Variants in KIRREL3 observed in about 807,000 individuals in gnomAD.
KIRREL3 encodes the protein kin of IRRE-like protein 3.
A neutral mutation model predicts 89.7 loss-of-function variants in KIRREL3; 36 were observed. That is an observed-to-expected ratio of 0.40 (90% CI 0.31 to 0.53). The LOEUF (loss-of-function observed/expected upper bound fraction) is 0.53. Ranked by LOEUF, KIRREL3 falls within the 20% of genes least tolerant of loss-of-function variation. KIRREL3 has a pLI of 0.49. For synonymous variants in KIRREL3, 445 were observed against 441.4 expected (o/e 1.01, Z -0.10); for missense variants, 864 against 1,056.6 (o/e 0.82, Z 2.53).
intron 2 of KIRREL3, among the ~76,000 whole-genome samples, chr11:126,552,514 C>T (rs962520070): frequency 6.7e-6 from 1 of 148,602 alleles, no homozygotes; most frequent in East Asian, 2.0e-4. Flanking sequence ...CAGCCCTGGT[C>T]CCGGGATCAC....
intron 1 of KIRREL3, among the ~76,000 whole-genome samples, chr11:126,878,520 C>G (rs928389779): frequency 6.6e-6 from 1 of 151,868 alleles, no homozygotes; most frequent in African/African-American, 2.4e-5. Flanking sequence ...TGCATTTTAA[C>G]CCATATATAA....
At position 126,736,968 on chromosome 11, in the gene KIRREL3, A is replaced by C. The variant is rs1310064410; in HGVS notation, c.56-174056T>G. Among the ~76,000 whole-genome samples the C allele has an allele frequency of 2.0e-5, 3 of 152,318 alleles. No individual in the cohort carries two copies. In the South Asian group the frequency reaches 6.2e-4, roughly 32 times the overall value. The stretch of plus-strand genomic sequence containing the variant: ...GAGCCAGCAATTGGTTACATCAGAA[A>C]ACTTTATTCTCAGGGGCAGTGCCCT... On this transcript the variant is annotated intron_variant, in intron 1 of 16. Coordinates refer to ENST00000525144, the MANE Select transcript of KIRREL3 (RefSeq NM_032531.4). The surrounding 1 kb of genome is among the most constrained non-coding windows in gnomAD (Gnocchi z 5.0).
At chr11:126,456,195 C>T (rs1055092721) in intron 7 of KIRREL3, among the ~76,000 whole-genome samples, 154 bp downstream of exon 7, 1 of 151,526 alleles carries the variant, frequency 6.6e-6, no homozygotes, top group South Asian at 2.1e-4. Context: ...AGCAGGCAGG[C>T]GGGTTTAAGA....
chr11:126,925,939 G>A (rs1023505484), intron 1 of KIRREL3, among the ~76,000 whole-genome samples: 2 of 152,216 alleles, frequency 1.3e-5, no homozygotes, highest in Non-Finnish European at 2.9e-5. Context: ...CCCCGGATCT[G>A]AGACATCTGT....
At chr11:126,699,124 G>C (rs1219749903) in intron 1 of KIRREL3, among the ~76,000 whole-genome samples, 2 of 152,220 alleles carry the variant, frequency 1.3e-5, no homozygotes, top group Admixed American at 6.5e-5. Context: ...GCCCCCAAGA[G>C]GATCTTGAAG....
chr11:126,477,580 G>T lies in KIRREL3; in HGVS notation c.434-4114C>A, dbSNP rs984444959. The stretch of plus-strand genomic sequence containing the variant: ...GAGGTAAAGCTTTCATCTATTTCAC[G>T]CACTAAGGTTCTCTCTAACCTCTAT... On this transcript the variant is annotated intron_variant, in intron 4 of 16. Transcript: ENST00000525144. The surrounding 1 kb of genome is among the most constrained non-coding windows in gnomAD (Gnocchi z 4.8). Among the ~76,000 whole-genome samples the T allele has an allele frequency of 1.3e-5, 2 of 152,154 alleles. No individual in the cohort carries two copies. Among genetic ancestry groups the T allele is most frequent in the African/African-American group, 4.8e-5 (2 of 41,442 alleles).
At chr11:126,592,548 T>C (rs1942188810) in intron 1 of KIRREL3, among the ~76,000 whole-genome samples, 1 of 152,188 alleles carries the variant, frequency 6.6e-6, no homozygotes, top group South Asian at 2.1e-4. Context: ...GGCAGAGCTT[T>C]CTCCAGGAGC....
chr11:126,451,577 T>C (rs905630655), intron 7 of KIRREL3, among the ~76,000 whole-genome samples: 1 of 147,404 alleles, frequency 6.8e-6, no homozygotes, highest in African/African-American at 2.5e-5. Flanking sequence ...TGTGCATGTG[T>C]GTGTGCGTGT....
At chr11:126,881,256 C>T (rs963273244) in intron 1 of KIRREL3, among the ~76,000 whole-genome samples, 12 of 152,344 alleles carry the variant, frequency 7.9e-5, no homozygotes, top group African/African-American at 2.9e-4. Context: ...CTCCCCCTCC[C>T]CCTCTCTGTT....
chr11:126,438,103 C>T (rs1055079175), intron 11 of KIRREL3, among the ~76,000 whole-genome samples: 1 of 152,246 alleles, frequency 6.6e-6, no homozygotes, highest in South Asian at 2.1e-4. Context: ...AAAGTGGGTG[C>T]CCTGTTGGCC....
At chr11:126,799,400 A>ACATGTG (rs1950946329) in intron 1 of KIRREL3, among the ~76,000 whole-genome samples, 2 of 87,658 alleles carry the variant, frequency 2.3e-5, no homozygotes, top group African/African-American at 4.6e-5. Context: ...CTGTGTGTGC[A>ACATGTG]TCTATCTGTG....
intron 5 of KIRREL3, among the ~76,000 whole-genome samples, chr11:126,469,941 G>A (rs1056719530): frequency 5.9e-5 from 9 of 152,264 alleles, no homozygotes; most frequent in African/African-American, 1.9e-4. Context: ...TGCCCAGGGA[G>A]TGAGTTGCCT....
rs530096455 is a variant in KIRREL3 at position 126,624,669 on chromosome 11, G to T, written c.56-61757C>A. On this transcript the variant is annotated intron_variant, in intron 1 of 16. Coordinates refer to ENST00000525144, the MANE Select transcript of KIRREL3 (RefSeq NM_032531.4). The surrounding 1 kb of genome is among the most constrained non-coding windows in gnomAD (Gnocchi z 6.0). ...AAGTATCCTATTGATTCACTGAAGT[G>T]CTGCCATGGATGTTAATGGAGACAA... Among the ~76,000 whole-genome samples the T allele has an allele frequency of 1.7e-4, 26 of 152,334 alleles. No individual in the cohort carries two copies. Among genetic ancestry groups the T allele is most frequent in the Middle Eastern group, 3.4e-3 (1 of 294 alleles).
intron 2 of KIRREL3, among the ~76,000 whole-genome samples, chr11:126,542,305 G>T (rs540996879): frequency 2.6e-5 from 4 of 151,988 alleles, no homozygotes; most frequent in African/African-American, 7.3e-5. Context: ...CCATCTTGGG[G>T]CAACGTCCTG....
chr11:126,624,205 G>C lies in KIRREL3; in HGVS notation c.56-61293C>G, dbSNP rs1038978333. 2.0e-5 allele frequency among the ~76,000 whole-genome samples: 3 copies of C among 152,100 alleles called. No individual in the cohort carries two copies. Among genetic ancestry groups the C allele is most frequent in the Admixed American group, 2.0e-4 (3 of 15,284 alleles). On this transcript the variant is annotated intron_variant, in intron 1 of 16. Coordinates refer to ENST00000525144, the MANE Select transcript of KIRREL3 (RefSeq NM_032531.4). This position sits in a 1 kb window ranked among gnomAD's most constrained non-coding sequence, Gnocchi z 6.0. ...AGAATACAGGGAGCCAGGGGGTGGC[G>C]GTGTGGCGGGGAGGAGGCCAGAATG...
intron 1 of KIRREL3, among the ~76,000 whole-genome samples, chr11:126,928,755 G>T (rs1394081594): frequency 1.3e-5 from 2 of 152,148 alleles, no homozygotes; most frequent in Non-Finnish European, 2.9e-5. Context: ...TTTTAAAGTT[G>T]GTTTGTTTTG....
chr11:126,792,579 A>G lies in KIRREL3; in HGVS notation c.55+207876T>C, dbSNP rs367573461. Among the ~76,000 whole-genome samples, 129 of 152,330 alleles carry G rather than the reference A, an allele frequency of 8.5e-4. 1 individual carries two copies. The South Asian group carries it at 0.025, about 29-fold the overall frequency. ...AATCCTATTGCCTCCGTCAGAAAAC[A>G]TATACAAGGCAGCTCACAGCAGCAT... On this transcript the variant is annotated intron_variant, in intron 1 of 16. Transcript: ENST00000525144.
intron 1 of KIRREL3, among the ~76,000 whole-genome samples, chr11:126,829,946 GT>G (rs761897611): frequency 8.3e-4 from 127 of 152,312 alleles, no homozygotes; most frequent in Non-Finnish European, 1.4e-3. Flanking sequence ...CTGGAAAGAT[GT>G]GCATAGTCTT....
At chr11:126,440,250 G>GAGCACTGCCTGTTCTGAGA (rs1250054026) in intron 11 of KIRREL3, 199 bp downstream of exon 11, 1 of 704,306 alleles carries the variant, frequency 1.4e-6, no homozygotes, top group Non-Finnish European at 2.6e-6. Flanking sequence ...AACCCTGGGA[G>GAGCACTGCCTGTTCTGAGA]AGCACTGCCT....
Sources: allele counts gnomAD v4.1 joint callset (sites outside exome capture counted in the v4.1 genomes callset), GRCh38; gene constraint gnomAD v4.1.1; non-coding constraint Gnocchi (gnomAD v3.1); transcripts MANE v1.5; gene names NCBI Gene and HGNC (gene_info 2026-07-23, HGNC 2026-07-21).